ARHGAP35: variants seen among roughly 807,000 people sequenced by gnomAD.
The protein encoded by ARHGAP35 is Rho GTPase activating protein 35.
Under a neutral mutation model 111.1 loss-of-function variants are expected in ARHGAP35, and 15 were observed. The ratio of observed to expected loss-of-function variants is 0.13; its 90% CI spans 0.09 to 0.21. The LOEUF is 0.21. ARHGAP35 is among the 10% of genes least tolerant of loss of function. ARHGAP35 has a pLI of 1.00. For missense variants in ARHGAP35, 1,262 were observed against 1,873.0 expected, an observed-to-expected ratio of 0.67 and a Z score of 6.02; for synonymous variants, 643 against 710.3, an observed-to-expected ratio of 0.91 and a Z score of 1.51.
chr19:46,991,438 G>A (rs1003511108), intron 5 of ARHGAP35, among the ~76,000 whole-genome samples: 1 of 152,194 alleles, frequency 6.6e-6, no homozygotes, highest in Admixed American at 6.5e-5. Flanking sequence ...CGGCAGGAAC[G>A]GGAGGTGCTA....
At chr19:46,933,550 G>A (rs1017441959) in intron 2 of ARHGAP35, among the ~76,000 whole-genome samples, 3 of 152,054 alleles carry the variant, frequency 2.0e-5, no homozygotes, top group African/African-American at 4.8e-5. Context: ...CACAGGTTTC[G>A]CAGTCATACA....
chr19:46,961,137 C>T (rs28581387), intron 3 of ARHGAP35, among the ~76,000 whole-genome samples: 35,927 of 151,968 alleles, frequency 0.24, 4,452 homozygotes, highest in Non-Finnish European at 0.28. Context: ...TCAGGTGATC[C>T]GCCCGCCTCA....
chr19:46,916,642 C>T (rs1486548154), intron 1 of ARHGAP35, among the ~76,000 whole-genome samples: 1 of 150,646 alleles, frequency 6.6e-6, no homozygotes, highest in Non-Finnish European at 1.5e-5. Context: ...TATTTACACA[C>T]TTAATTTTTT....
At chr19:46,867,140 G>A (rs751297006) in intron 1 of ARHGAP35, among the ~76,000 whole-genome samples, 3 of 152,112 alleles carry the variant, frequency 2.0e-5, no homozygotes, top group Non-Finnish European at 4.4e-5. Flanking sequence ...TGATATATTA[G>A]CAGAGAACCA....
chr19:46,912,107 T>C (rs192906980), intron 1 of ARHGAP35, among the ~76,000 whole-genome samples: 1 of 148,012 alleles, frequency 6.8e-6, no homozygotes, highest in East Asian at 2.0e-4. Context: ...GCAGTGGCAC[T>C]CTCTCTGCTC....
chr19:46,889,708 G>A (rs1191087307), intron 1 of ARHGAP35, among the ~76,000 whole-genome samples: 10 of 126,520 alleles, frequency 7.9e-5, no homozygotes, highest in Admixed American at 5.9e-4. Context: ...CCGAGATCCC[G>A]CCACTGCACT....
At chr19:46,895,426 A>G (rs2056049226) in intron 1 of ARHGAP35, among the ~76,000 whole-genome samples, 1 of 152,136 alleles carries the variant, frequency 6.6e-6, no homozygotes, top group Non-Finnish European at 1.5e-5. Context: ...CGGCCTCCCA[A>G]AGTGCTGGGA....
At chr19:46,877,808 G>A (rs920383921) in intron 1 of ARHGAP35, among the ~76,000 whole-genome samples, 1 of 151,760 alleles carries the variant, frequency 6.6e-6, no homozygotes, top group Non-Finnish European at 1.5e-5. Flanking sequence ...CCGGGTCCAG[G>A]CAATCCTCCT....
rs956816481 is a variant in ARHGAP35, at chr19:46,901,323, C to T, written c.-188-17165C>T. Among the ~76,000 whole-genome samples, 2 of 152,130 alleles carry T rather than the reference C, an allele frequency of 1.3e-5. No individual in the cohort carries two copies. Among genetic ancestry groups the T allele is most frequent in the East Asian group, 1.9e-4 (1 of 5,186 alleles). On this transcript the variant is annotated intron_variant, in intron 1 of 6. Coordinates refer to ENST00000672722, the MANE Select transcript of ARHGAP35 (RefSeq NM_004491.5). The surrounding 1 kb of genome is among the most constrained non-coding windows in gnomAD (Gnocchi z 4.5). ...CTGTAATCCCAGCACTTCGGGAGGC[C>T]GAGGCAGGTGGATCACTTGAGGTCA...
chr19:46,876,575 A>G (rs984945541), intron 1 of ARHGAP35, among the ~76,000 whole-genome samples: 1 of 151,556 alleles, frequency 6.6e-6, no homozygotes, highest in Admixed American at 6.6e-5. Context: ...GTTTCACCAT[A>G]TTGGCCAGGC....
At chr19:46,956,696 T>TA (rs761777336) in intron 3 of ARHGAP35, among the ~76,000 whole-genome samples, 1 of 152,178 alleles carries the variant, frequency 6.6e-6, no homozygotes, top group Non-Finnish European at 1.5e-5. Flanking sequence ...TCAGTGTGAT[T>TA]AAGAGCAGCC....
At chr19:46,916,958 CT>C (rs540605214) in intron 1 of ARHGAP35, among the ~76,000 whole-genome samples, 4 of 147,648 alleles carry the variant, frequency 2.7e-5, no homozygotes, top group Non-Finnish European at 4.5e-5. Context: ...TCCTGCATTT[CT>C]TTTTTTTTTC....
In ARHGAP35 at chr19:46,986,058, C is replaced by T. The variant is rs557858330; in HGVS notation, c.3827-1931C>T. ...CTGTTTCTGTTGTCCAGGGGCAGCA[C>T]CCACAGTGCTTCCTCTGTGCACCTT... On this transcript the variant is annotated intron_variant, in intron 3 of 6. Coordinates refer to ENST00000672722, the MANE Select transcript of ARHGAP35 (RefSeq NM_004491.5). The surrounding 1 kb of genome is among the most constrained non-coding windows in gnomAD (Gnocchi z 4.3). Among the ~76,000 whole-genome samples the T allele has an allele frequency of 1.2e-4, 18 of 152,172 alleles. No individual in the cohort carries two copies. The highest frequency in any genetic ancestry group is 2.6e-4 in the Non-Finnish European group (18 of 68,032).
At chr19:46,933,382 A>C (rs1199775383) in intron 2 of ARHGAP35, among the ~76,000 whole-genome samples, 5 of 151,988 alleles carry the variant, frequency 3.3e-5, no homozygotes. Flanking sequence ...CTCTGGCCTC[A>C]AGTGATCTGC....
At chr19:46,950,626 G>A (rs2056406517) in intron 3 of ARHGAP35, among the ~76,000 whole-genome samples, 1 of 152,236 alleles carries the variant, frequency 6.6e-6, no homozygotes, top group Admixed American at 6.5e-5. Flanking sequence ...CGGGGCTGAA[G>A]GAGTGATTCT....
At chr19:46,865,422 G>A (rs1394450922) in intron 1 of ARHGAP35, among the ~76,000 whole-genome samples, 1 of 152,100 alleles carries the variant, frequency 6.6e-6, no homozygotes, top group Non-Finnish European at 1.5e-5. Flanking sequence ...GCATGATGAA[G>A]GTCGATGCAT....
At chr19:46,911,192 ACT>A (rs1382020867) in intron 1 of ARHGAP35, among the ~76,000 whole-genome samples, 1 of 151,618 alleles carries the variant, frequency 6.6e-6, no homozygotes, top group African/African-American at 2.4e-5. Flanking sequence ...ACCTCTCCAA[ACT>A]CTGCCAGTCT....
rs576558032 is a variant in ARHGAP35, at chr19:46,930,062, T to C, written c.3682-7202T>C. Among the ~76,000 whole-genome samples, 11 of 152,138 alleles carry C rather than the reference T, an allele frequency of 7.2e-5. No individual in the cohort carries two copies. The East Asian group carries it at 2.1e-3, about 30-fold the overall frequency. ...ACAGGCATGAGTCACTGCACCTGGC[T>C]GGTGTTAACTGTTTTTTAAAAAGGC... On this transcript the variant is annotated intron_variant, in intron 2 of 6. Transcript: ENST00000672722.
chr19:46,984,780 T>A (rs367851610), intron 3 of ARHGAP35, among the ~76,000 whole-genome samples: 1 of 152,314 alleles, frequency 6.6e-6, no homozygotes, highest in South Asian at 2.1e-4. Context: ...TCTAGTGAAG[T>A]TTCAGCAGGT....
Sources: gnomAD v4.1 joint callset for allele counts (sites outside exome capture counted in the v4.1 genomes callset) on GRCh38, gnomAD v4.1.1 for gene constraint, Gnocchi (gnomAD v3.1) non-coding constraint, MANE v1.5 for transcripts, NCBI Gene and HGNC (gene_info 2026-07-23, HGNC 2026-07-21) for gene names.